The following MTAP variants were observed in gnomAD, a reference collection of about 807,000 sequenced individuals.
MTAP encodes the protein methylthioadenosine phosphorylase, also known as S-methyl-5'-thioadenosine phosphorylase.
MTAP carries 33 observed loss-of-function variants against 33.6 expected under a neutral mutation model. The observed-to-expected ratio is 0.98, with a 90% CI of 0.74 to 1.31. The LOEUF is 1.31. Ranked by LOEUF, MTAP falls within the 40% of genes most tolerant of loss-of-function variation. The pLI is 0.00. For missense variants in MTAP, 367 were observed against 360.0 expected (o/e 1.02, Z -0.16); for synonymous variants, 148 against 125.7 (o/e 1.18, Z -1.19).
At chr9:21,895,648 C>A (rs1370637739) in intron 1 of MTAP, among the ~76,000 whole-genome samples, 1 of 152,232 alleles carries the variant, frequency 6.6e-6, no homozygotes, top group East Asian at 1.9e-4. Flanking sequence ...GCAAACGGCA[C>A]ACTAGGAGGT....
At position 21,915,000 on chromosome 9, in the gene MTAP, TTTCCTTCCTTCCTTCCTTCCTTCC is replaced by T. The variant is rs367599453; in HGVS notation, c.148-15973_148-15950del. On this transcript the variant is annotated intron_variant, in intron 1 of 1. Coordinates refer to the MTAP transcript ENST00000577563. ...TAGCACATATCAATACTTTGTTTTC[TTTCCTTCCTTCCTTCCTTCCTTCC>T]TTCCTTCCTTCCTTCCTTCCTTCCT... Among the ~76,000 whole-genome samples the T allele has an allele frequency of 1.3e-4, 11 of 83,738 alleles. 1 individual carries two copies. The highest frequency in any genetic ancestry group is 2.3e-4 in the Non-Finnish European group (11 of 46,880). 54.9% of individuals were successfully genotyped at this position (83,738 alleles called of 152,430 possible). A position where few individuals can be genotyped will look rare whatever the true frequency, so the allele number is the denominator to read the frequency against.
intron 5 of MTAP, among the ~76,000 whole-genome samples, chr9:21,852,335 G>T (rs1012469144): frequency 6.6e-6 from 1 of 151,978 alleles, no homozygotes. Flanking sequence ...GGTGAAAGGG[G>T]TCTCTACTAA....
At chr9:21,902,667 T>G (rs574479753) in intron 1 of MTAP, among the ~76,000 whole-genome samples, 4 of 152,360 alleles carry the variant, frequency 2.6e-5, no homozygotes, top group Admixed American at 1.3e-4. Flanking sequence ...AATCCTGCAT[T>G]TATTTACTGT....
At chr9:21,854,342 G>A (rs1165504937) in intron 5 of MTAP, among the ~76,000 whole-genome samples, 1 of 152,182 alleles carries the variant, frequency 6.6e-6, no homozygotes, top group Non-Finnish European at 1.5e-5. Context: ...TGAGATTAAA[G>A]CATATAAACA....
intron 5 of MTAP, among the ~76,000 whole-genome samples, chr9:21,843,550 C>G (rs1220344579): frequency 6.6e-6 from 1 of 152,162 alleles, no homozygotes; most frequent in Non-Finnish European, 1.5e-5. Context: ...CAAGTACTCT[C>G]TCAGATCAAA....
chr9:21,827,345 A>C (rs1158604067), intron 4 of MTAP, among the ~76,000 whole-genome samples: 1 of 152,140 alleles, frequency 6.6e-6, no homozygotes, highest in African/African-American at 2.4e-5. Flanking sequence ...AGCTTCTGCT[A>C]TGGGAGAGAG....
intron 1 of MTAP, among the ~76,000 whole-genome samples, chr9:21,875,814 T>C (rs1477503095): frequency 6.6e-6 from 1 of 152,164 alleles, no homozygotes; most frequent in African/African-American, 2.4e-5. Flanking sequence ...TTAGGTTGAT[T>C]CCATGTCTTT....
intron 1 of MTAP, among the ~76,000 whole-genome samples, chr9:21,917,741 G>A (rs1324939628): frequency 6.6e-6 from 1 of 152,128 alleles, no homozygotes; most frequent in Non-Finnish European, 1.5e-5. Context: ...CCACTACTGA[G>A]TATCTACCCA....
At chr9:21,880,064 T>G (rs1021079217) in intron 1 of MTAP, among the ~76,000 whole-genome samples, 24 of 152,082 alleles carry the variant, frequency 1.6e-4, no homozygotes, top group African/African-American at 5.6e-4. Context: ...TCCAACAAAT[T>G]CCATTTGTTG....
rs577991062 is a variant in MTAP at position 21,829,426 on chromosome 9, T to G, written c.348-8482T>G. Among the ~76,000 whole-genome samples the G allele has an allele frequency of 1.3e-3, 190 of 151,296 alleles. 1 individual carries two copies. The highest frequency in any genetic ancestry group is 3.4e-3 in the Middle Eastern group (1 of 294). ...CTCTCATTCTTTTGTTGTTTTTTTT[T>G]TTTGTTTGTTTGTTTTTTTGAGACA... On this transcript the variant is annotated intron_variant, in intron 4 of 7. Coordinates refer to ENST00000644715, the MANE Select transcript of MTAP (RefSeq NM_002451.4).
intron 4 of MTAP, 107 bp downstream of exon 4, chr9:21,818,309 C>A: frequency 4.3e-5 from 18 of 420,088 alleles, no homozygotes; most frequent in East Asian, 1.4e-4. Flanking sequence ...GTGCCACAGA[C>A]TCGCTTGCTT....
At chr9:21,804,526 T>A (rs1011818718) in intron 1 of MTAP, among the ~76,000 whole-genome samples, 2 of 152,206 alleles carry the variant, frequency 1.3e-5, no homozygotes, top group African/African-American at 2.4e-5. Flanking sequence ...GAGGTACATA[T>A]GGTGCTAGGA....
At chr9:21,901,226 C>A (rs920306229) in intron 1 of MTAP, among the ~76,000 whole-genome samples, 6 of 152,104 alleles carry the variant, frequency 3.9e-5, no homozygotes, top group Admixed American at 6.6e-5. Context: ...CTAAAGACAA[C>A]CTAAATAAAG....
intron 1 of MTAP, among the ~76,000 whole-genome samples, chr9:21,898,055 T>C (rs1472244982): frequency 6.6e-6 from 1 of 152,162 alleles, no homozygotes; most frequent in Non-Finnish European, 1.5e-5. Context: ...TGGAACAGAA[T>C]AGAGCCCGTG....
intron 4 of MTAP, among the ~76,000 whole-genome samples, chr9:21,826,924 C>G (rs1229540074): frequency 6.6e-6 from 1 of 152,008 alleles, no homozygotes; most frequent in Non-Finnish European, 1.5e-5. Flanking sequence ...GAGCAGGAAC[C>G]CAATTGTGAA....
At chr9:21,823,774 C>T (rs1444747450) in intron 4 of MTAP, among the ~76,000 whole-genome samples, 1 of 152,332 alleles carries the variant, frequency 6.6e-6, no homozygotes, top group East Asian at 1.9e-4. Context: ...TTGGTCTTTT[C>T]ACATAGTCCC....
At chr9:21,918,294 G>A (rs1818727237) in intron 1 of MTAP, among the ~76,000 whole-genome samples, 1 of 117,902 alleles carries the variant, frequency 8.5e-6, no homozygotes, top group Non-Finnish European at 1.6e-5. Context: ...AGCTTGCAGT[G>A]AGCAGAGATC....
chr9:21,930,671 T>C (rs1818943087), intron 1 of MTAP: 3 of 512,050 alleles, frequency 5.9e-6, no homozygotes, highest in Admixed American at 3.2e-5. Context: ...CAGAGCAAAT[T>C]AACACTTTAG....
intron 1 of MTAP, chr9:21,808,695 T>C (rs1317989006): frequency 1.3e-5 from 2 of 152,164 alleles, no homozygotes; most frequent in Non-Finnish European, 2.9e-5. Flanking sequence ...TTAACATGTG[T>C]ATCGGGCTGG....
Sources: gnomAD v4.1 joint callset for allele counts (sites outside exome capture counted in the v4.1 genomes callset) on GRCh38, gnomAD v4.1.1 for gene constraint, MANE v1.5 for transcripts, NCBI Gene and HGNC (gene_info 2026-07-23, HGNC 2026-07-21) for gene names.